MYO1D: variants seen among roughly 807,000 people sequenced by gnomAD.
MYO1D encodes myosin ID, also known as unconventional myosin-Id.
A neutral mutation model predicts 122.0 loss-of-function variants in MYO1D; 83 were observed. That is an observed-to-expected ratio of 0.68 (90% confidence interval 0.57 to 0.82). MYO1D has a LOEUF of 0.82. MYO1D is among the 40% of genes least tolerant of loss of function. The probability of loss-of-function intolerance (pLI) is 0.00; values close to 1 mark genes in which losing one functional copy is unlikely to be tolerated. For synonymous variants in MYO1D, 464 were observed against 446.9 expected (o/e 1.04, Z -0.48); for missense variants, 1,157 against 1,269.5 (o/e 0.91, Z 1.35).
chr17:32,737,852 T>C (rs2151002378), intron 14 of MYO1D, among the ~76,000 whole-genome samples: 1 of 152,374 alleles, frequency 6.6e-6, no homozygotes, highest in East Asian at 1.9e-4. Flanking sequence ...TCTGGCCACT[T>C]TGTACTCAAA....
At chr17:32,714,413 T>C (rs953128869) in intron 15 of MYO1D, among the ~76,000 whole-genome samples, 3 of 152,360 alleles carry the variant, frequency 2.0e-5, no homozygotes, top group Admixed American at 6.5e-5. Flanking sequence ...TTCCTTTTTA[T>C]GGCTGCATAG....
At chr17:32,752,212 A>T (rs1031594092) in intron 11 of MYO1D, among the ~76,000 whole-genome samples, 1 of 152,210 alleles carries the variant, frequency 6.6e-6, no homozygotes, top group South Asian at 2.1e-4. Flanking sequence ...TACTGGGAAA[A>T]ATAGCTAGCC....
At chr17:32,607,289 C>T (rs983492088) in intron 20 of MYO1D, among the ~76,000 whole-genome samples, 1 of 151,952 alleles carries the variant, frequency 6.6e-6, no homozygotes, top group Non-Finnish European at 1.5e-5. Context: ...CTAATAAGCG[C>T]ATCTAGTAAG....
At chr17:32,733,330 A>G (rs913238188) in intron 14 of MYO1D, among the ~76,000 whole-genome samples, 4 of 152,208 alleles carry the variant, frequency 2.6e-5, no homozygotes, top group Non-Finnish European at 5.9e-5. Context: ...CTTTTTTCAG[A>G]TGCCTGGGGC....
intron 3 of MYO1D, 139 bp from the exon 4 acceptor site, chr17:32,776,168 AC>A (rs987041979): frequency 8.2e-6 from 6 of 727,432 alleles, no homozygotes; most frequent in Non-Finnish European, 1.1e-5. Flanking sequence ...CAAAAAAAAA[AC>A]AAACAAATTA....
Position 32,540,300 on chromosome 17 carries a change from A to G in MYO1D, c.2865-45385T>C, listed in dbSNP as rs1461206595. Among the ~76,000 whole-genome samples the G allele has an allele frequency of 2.2e-5, 3 of 138,850 alleles. No homozygotes were observed. In the South Asian group the frequency reaches 7.1e-4, roughly 33 times the overall value. 91.1% of individuals were successfully genotyped at this position (138,850 alleles called of 152,430 possible). On this transcript the variant is annotated intron_variant, in intron 21 of 21. Coordinates refer to ENST00000318217, the MANE Select transcript of MYO1D (RefSeq NM_015194.3). ...AGCCGAGATCGCGTCACTGTACTCC[A>G]GTCTAGGTGACAGAGAGAGACTATC...
intron 21 of MYO1D, among the ~76,000 whole-genome samples, chr17:32,539,086 C>G (rs1324674747): frequency 1.3e-5 from 2 of 152,098 alleles, no homozygotes; most frequent in African/African-American, 4.8e-5. Context: ...CCTGCACATC[C>G]TGCACATGTA....
At chr17:32,568,414 C>T (rs544334977) in intron 21 of MYO1D, among the ~76,000 whole-genome samples, 22 of 152,232 alleles carry the variant, frequency 1.4e-4, no homozygotes, top group African/African-American at 4.8e-4. Context: ...GGAGAGATTC[C>T]GTCTCTAGTC....
intron 21 of MYO1D, among the ~76,000 whole-genome samples, chr17:32,565,565 A>G (rs913018710): frequency 1.3e-5 from 2 of 152,206 alleles, no homozygotes; most frequent in African/African-American, 4.8e-5. Flanking sequence ...GGCCGGTGAC[A>G]TAATTGCTAA....
At chr17:32,632,117 GGTTA>G (rs2088015542) in intron 20 of MYO1D, among the ~76,000 whole-genome samples, 1 of 152,250 alleles carries the variant, frequency 6.6e-6, no homozygotes, top group Admixed American at 6.5e-5. Context: ...AGTGAGAAAT[GGTTA>G]GTGTCTATCT....
chr17:32,713,661 G>A (rs2089407018), intron 15 of MYO1D, among the ~76,000 whole-genome samples: 1 of 152,040 alleles, frequency 6.6e-6, no homozygotes. Context: ...TTGACACAGA[G>A]TCTCGCTCTA....
chr17:32,875,591 T>C (rs2151096440), intron 1 of MYO1D, among the ~76,000 whole-genome samples: 1 of 152,330 alleles, frequency 6.6e-6, no homozygotes, highest in Admixed American at 6.5e-5. Flanking sequence ...TAGAGGTATA[T>C]CATTTTGATT....
chr17:32,494,632 G>C lies in MYO1D; in HGVS notation c.*127C>G. ...GAAAACCAGGAAGGAAATCTTACAG[G>C]GGCGGGGCTCCTCTGGGAGGGGCCC... On this transcript the variant is annotated 3_prime_UTR_variant, in exon 22 of 22. Coordinates refer to ENST00000318217, the MANE Select transcript of MYO1D (RefSeq NM_015194.3). The C allele has an allele frequency of 9.0e-7, 1 of 1,107,412 alleles. No homozygotes were observed. The highest frequency in any genetic ancestry group is 1.3e-6 in the Non-Finnish European group (1 of 798,892). 68.6% of individuals were successfully genotyped at this position (1,107,412 alleles called of 1,614,324 possible).
intron 14 of MYO1D, chr17:32,734,576 C>A (rs1316585081): frequency 6.6e-6 from 1 of 152,186 alleles, no homozygotes; most frequent in East Asian, 1.9e-4. Flanking sequence ...ATCACTTTAG[C>A]AGTATTCTAT....
chr17:32,864,299 T>A (rs1264787220), intron 1 of MYO1D, among the ~76,000 whole-genome samples: 1 of 151,886 alleles, frequency 6.6e-6, no homozygotes, highest in Non-Finnish European at 1.5e-5. Flanking sequence ...GATTTTTTTT[T>A]AAAGCACCAA....
At chr17:32,764,680 CTT>C (rs1475022802) in intron 8 of MYO1D, among the ~76,000 whole-genome samples, 196 bp downstream of exon 8, 3 of 152,206 alleles carry the variant, frequency 2.0e-5, no homozygotes, top group Non-Finnish European at 4.4e-5. Flanking sequence ...AGCTTCCACT[CTT>C]CTCAGAACCT....
At chr17:32,780,552 A>G (rs768560305) in intron 2 of MYO1D, 24 bp downstream of exon 2, 35 of 1,604,958 alleles carry the variant, frequency 2.2e-5, no homozygotes, top group Non-Finnish European at 3.0e-5. Flanking sequence ...GACTTTGGAA[A>G]TACAGGGGAT....
chr17:32,596,471 C>T (rs1276777925), intron 21 of MYO1D, among the ~76,000 whole-genome samples: 1 of 152,218 alleles, frequency 6.6e-6, no homozygotes, highest in Non-Finnish European at 1.5e-5. Flanking sequence ...CTCACCTGTA[C>T]TGCCGCGGCA....
At chr17:32,846,525 T>C (rs538304048) in intron 1 of MYO1D, among the ~76,000 whole-genome samples, 1 of 152,288 alleles carries the variant, frequency 6.6e-6, no homozygotes, top group African/African-American at 2.4e-5. Flanking sequence ...ATCTACAATC[T>C]GAAATAGAAA....
Sources: allele counts gnomAD v4.1 joint callset (sites outside exome capture counted in the v4.1 genomes callset), GRCh38; gene constraint gnomAD v4.1.1; transcripts MANE v1.5; gene names NCBI Gene and HGNC (gene_info 2026-07-23, HGNC 2026-07-21).